MAP2K4: variants seen among roughly 807,000 people sequenced by gnomAD.
MAP2K4 encodes mitogen-activated protein kinase kinase 4, also known as dual specificity mitogen-activated protein kinase kinase 4.
Under a neutral mutation model 48.5 loss-of-function variants are expected in MAP2K4, and 4 were observed. The ratio of observed to expected loss-of-function variants is 0.08; its 90% CI spans 0.04 to 0.19. The LOEUF (loss-of-function observed/expected upper bound fraction) is 0.19, where lower values mean the gene tolerates loss of function less well. Among genes scored for constraint, MAP2K4 ranks in the 10% least tolerant of loss-of-function variants. The pLI is 1.00. For missense variants in MAP2K4, 258 were observed against 493.3 expected (o/e 0.52, Z 4.52); for synonymous variants, 166 against 173.1 (o/e 0.96, Z 0.32).
In MAP2K4 at chr17:12,141,194, A is replaced by T; in HGVS notation, c.1134A>T (p.Ala378=). The T allele has an allele frequency of 6.2e-7, 1 of 1,613,908 alleles. No individual in the cohort carries two copies. Among genetic ancestry groups the T allele is most frequent in the Non-Finnish European group, 8.5e-7 (1 of 1,179,812 alleles). The change falls in exon 11 of 11, where the codon GCA becomes GCT. Residue 378 remains alanine, a synonymous_variant. Coordinates refer to ENST00000353533, the MANE Select transcript of MAP2K4 (RefSeq NM_003010.4). Reference sequence around the variant, plus strand: ...ATGAAGAACGTGCCGTTGAGGTCGCATGCTATGTTTGTAAAATCCTGGATC... The same window carrying T: ...ATGAAGAACGTGCCGTTGAGGTCGCTTGCTATGTTTGTAAAATCCTGGATC... The part of the protein sequence containing the change: ...LMYEERAVEV[A]CYVCKILDQM...
At chr17:12,131,536 C>T (rs1055281697) in intron 9 of MAP2K4, among the ~76,000 whole-genome samples, 2 of 152,134 alleles carry the variant, frequency 1.3e-5, no homozygotes, top group Admixed American at 1.3e-4. Flanking sequence ...TGAGCCACTG[C>T]CCCCGGCCCG....
intron 1 of MAP2K4, among the ~76,000 whole-genome samples, chr17:12,030,651 T>G (rs1969407208): frequency 6.6e-6 from 1 of 152,200 alleles, no homozygotes; most frequent in Non-Finnish European, 1.5e-5. Context: ...CAATGTAACT[T>G]TTTTTAACAC....
At chr17:12,043,317 A>G (rs1019182770) in intron 1 of MAP2K4, among the ~76,000 whole-genome samples, 4 of 152,196 alleles carry the variant, frequency 2.6e-5, no homozygotes, top group Non-Finnish European at 5.9e-5. Context: ...TTTATTTCAT[A>G]TTTCCAATAT....
chr17:12,032,886 C>G (rs1969482242), intron 1 of MAP2K4, among the ~76,000 whole-genome samples: 1 of 152,154 alleles, frequency 6.6e-6, no homozygotes. Flanking sequence ...GTTGTCCAGG[C>G]TGGAGTGCAG....
At chr17:12,030,471 G>A (rs950568955) in intron 1 of MAP2K4, among the ~76,000 whole-genome samples, 1 of 152,122 alleles carries the variant, frequency 6.6e-6, no homozygotes, top group Non-Finnish European at 1.5e-5. Context: ...CACCTCCTTT[G>A]TAGCTACTTA....
chr17:12,139,717 G>A (rs921453159), intron 9 of MAP2K4, 122 bp from the exon 10 acceptor site: 37 of 639,760 alleles, frequency 5.8e-5, no homozygotes, highest in South Asian at 3.1e-4. Context: ...GGCTGTCTGC[G>A]TTGTTACTTT....
At chr17:12,098,635 A>G (rs570366028) in intron 4 of MAP2K4, among the ~76,000 whole-genome samples, 2 of 152,258 alleles carry the variant, frequency 1.3e-5, no homozygotes, top group African/African-American at 4.8e-5. Context: ...TTCAGTTCCA[A>G]TAATAGACAC....
chr17:12,119,159 C>A (rs1457873742), intron 7 of MAP2K4, among the ~76,000 whole-genome samples: 2 of 152,074 alleles, frequency 1.3e-5, no homozygotes, highest in African/African-American at 4.8e-5. Flanking sequence ...TGCCCATAGA[C>A]AAAGTGCACA....
chr17:12,111,468 G>C lies in MAP2K4; in HGVS notation c.685+1042G>C, dbSNP rs527802385. 1.9e-4 allele frequency among the ~76,000 whole-genome samples: 29 copies of C among 148,896 alleles called. No individual in the cohort carries two copies. The South Asian group carries it at 3.6e-3, about 19-fold the overall frequency. ...CTTTGTTTCTCTTGTATTTCTTCTT[G>C]TTCTTGTCTTGATTTTTTTTTTTTT... On this transcript the variant is annotated intron_variant, in intron 6 of 10. Coordinates refer to ENST00000353533, the MANE Select transcript of MAP2K4 (RefSeq NM_003010.4).
intron 2 of MAP2K4, among the ~76,000 whole-genome samples, chr17:12,079,856 A>G (rs562557423): frequency 6.6e-6 from 1 of 152,324 alleles, no homozygotes; most frequent in South Asian, 2.1e-4. Context: ...TTTCCATCTT[A>G]AAAGATCAGT....
chr17:12,142,096 C>T lies in MAP2K4; in HGVS notation c.*836C>T. Reference sequence around the variant, plus strand: ...TGATGTTCCACCTGCCACAAACCACCAGGACTGAAAGAAGAAAACAGTACA... The same window carrying T: ...TGATGTTCCACCTGCCACAAACCACTAGGACTGAAAGAAGAAAACAGTACA... On this transcript the variant is annotated 3_prime_UTR_variant, in exon 11 of 11. Coordinates refer to ENST00000353533, the MANE Select transcript of MAP2K4 (RefSeq NM_003010.4). 1 of 233,442 alleles carries T rather than the reference C, an allele frequency of 4.3e-6. No homozygotes were observed. Among genetic ancestry groups the T allele is most frequent in the Non-Finnish European group, 8.5e-6 (1 of 117,930 alleles). The allele number at this position is 233,442 out of a possible 1,614,324, so 14.5% of individuals were successfully genotyped here.
In MAP2K4 at chr17:12,095,560, G is replaced by T. The variant is rs2151561578; in HGVS notation, c.394-15G>T. On this transcript the variant is annotated splice_polypyrimidine_tract_variant and intron_variant, in intron 3 of 10. Coordinates refer to ENST00000353533, the MANE Select transcript of MAP2K4 (RefSeq NM_003010.4). ...TTATTGTGTTTTTTTGACATCTTTTGTCATTCTTTTCCAGAGAATTCGGTC... is the reference window on the plus strand; with the variant it reads ...TTATTGTGTTTTTTTGACATCTTTTTTCATTCTTTTCCAGAGAATTCGGTC... The T allele has an allele frequency of 6.2e-7, 1 of 1,613,072 alleles. No individual in the cohort carries two copies. The highest frequency in any genetic ancestry group is 8.5e-7 in the Non-Finnish European group (1 of 1,179,616).
At chr17:12,070,442 G>A (rs968825897) in intron 2 of MAP2K4, among the ~76,000 whole-genome samples, 2 of 152,096 alleles carry the variant, frequency 1.3e-5, no homozygotes, top group Non-Finnish European at 2.9e-5. Flanking sequence ...CTGTTGATTG[G>A]TGGGCCATTT....
rs200456032 is a variant in MAP2K4, at chr17:12,141,140, C to T, written c.1087-7C>T. On this transcript the variant is annotated splice_polypyrimidine_tract_variant and splice_region_variant and intron_variant, in intron 10 of 10. Coordinates refer to ENST00000353533, the MANE Select transcript of MAP2K4 (RefSeq NM_003010.4). ...TTTTGACTTTTTTGTTTTCAATTTT[C>T]TTGCAGAAACATCCCTTTATTTTGA... The T allele has an allele frequency of 1.9e-4, 297 of 1,583,120 alleles. No individual in the cohort carries two copies. The highest frequency in any genetic ancestry group is 1.9e-4 in the Non-Finnish European group (214 of 1,152,196).
At chr17:12,062,849 C>T (rs1374075998) in intron 2 of MAP2K4, among the ~76,000 whole-genome samples, 1 of 151,752 alleles carries the variant, frequency 6.6e-6, no homozygotes, top group Non-Finnish European at 1.5e-5. Context: ...TTCTTTTTCC[C>T]CACGTTCTGA....
intron 3 of MAP2K4, among the ~76,000 whole-genome samples, chr17:12,082,391 T>C (rs891038222): frequency 6.6e-6 from 1 of 152,194 alleles, no homozygotes; most frequent in African/African-American, 2.4e-5. Context: ...ATACCCTCTC[T>C]GAGCTTAAAA....
At chr17:12,099,240 T>C (rs1971857025) in intron 4 of MAP2K4, among the ~76,000 whole-genome samples, 1 of 152,142 alleles carries the variant, frequency 6.6e-6, no homozygotes, top group Admixed American at 6.6e-5. Context: ...GATTTCATTC[T>C]TTTTTTAATG....
intron 8 of MAP2K4, among the ~76,000 whole-genome samples, chr17:12,127,894 G>C (rs1972901173): frequency 1.3e-5 from 2 of 152,294 alleles, no homozygotes; most frequent in Middle Eastern, 3.4e-3. Flanking sequence ...GCATCCTTTA[G>C]GGAGGAAACG....
intron 1 of MAP2K4, among the ~76,000 whole-genome samples, chr17:12,032,836 T>C (rs775183063): frequency 1.3e-5 from 2 of 152,184 alleles, no homozygotes; most frequent in African/African-American, 4.8e-5. Context: ...AAAAAAGTTA[T>C]AAACCTTGTA....
Sources: gnomAD v4.1 joint callset for allele counts (sites outside exome capture counted in the v4.1 genomes callset) on GRCh38, gnomAD v4.1.1 for gene constraint, MANE v1.5 for transcripts, NCBI Gene and HGNC (gene_info 2026-07-23, HGNC 2026-07-21) for gene names.